BRWD1: variants seen among roughly 807,000 people sequenced by gnomAD.
BRWD1 encodes the protein bromodomain and WD repeat-containing protein 1.
BRWD1 carries 82 observed loss-of-function variants against 251.2 expected under a neutral mutation model. The observed-to-expected ratio is 0.33, with a 90% CI of 0.27 to 0.39. The LOEUF is 0.39. BRWD1 is among the 10% of genes least tolerant of loss of function. The pLI, the probability that BRWD1 is intolerant of heterozygous loss-of-function variation, is 1.00. For missense variants in BRWD1, 2,233 were observed against 2,711.6 expected, an observed-to-expected ratio of 0.82 and a Z score of 3.92; for synonymous variants, 918 against 902.8, an observed-to-expected ratio of 1.02 and a Z score of -0.30.
Position 39,188,146 on chromosome 21 carries a change from A to C in BRWD1, c.*8113T>G, listed in dbSNP as rs1248617802. On this transcript the variant is annotated 3_prime_UTR_variant, in exon 41 of 41. Transcript: ENST00000342449. ...TCAAAGCCAAATTTTCAAATTTCAC[A>C]AACAAGTCTAATTAGTACTCTTCTA... 3 of 985,288 alleles carry C rather than the reference A, an allele frequency of 3.0e-6. No homozygotes were observed. The highest frequency in any genetic ancestry group is 2.3e-4 in the East Asian group (2 of 8,826). The allele number at this position is 985,288 out of a possible 1,614,324, so 61.0% of individuals were successfully genotyped here. A position where few individuals can be genotyped will look rare whatever the true frequency, so the allele number is the denominator to read the frequency against.
At chr21:39,290,833 A>C (rs116767261) in intron 8 of BRWD1, among the ~76,000 whole-genome samples, 2,313 of 152,250 alleles carry the variant, frequency 0.015, 55 homozygotes, top group African/African-American at 0.053. Flanking sequence ...TAAACTTCCA[A>C]AATAAAACAC....
At position 39,274,459 on chromosome 21, in the gene BRWD1, T is replaced by C. The variant is rs762631883; in HGVS notation, c.1159A>G (p.Ser387Gly). 1.2e-6 allele frequency: 2 copies of C among 1,613,708 alleles called. No individual in the cohort carries two copies. The highest frequency in any genetic ancestry group is 8.5e-7 in the Non-Finnish European group (1 of 1,179,734). ...CAAATCCGTGCTGTTCCATCTCTGC[T>C]ACCACTTAGGAACCTTAAAACATTC... ...CNNGDRFLSG[S>G]RDGTARIWRF... The change falls in exon 13 of 41, where the codon AGC becomes GGC. Residue 387 changes from serine to glycine, a missense_variant. Ser to Gly is a moderately conservative substitution (Grantham distance 56). This residue lies in a region of BRWD1 where 315 missense variants were observed against 421.8 expected (regional missense o/e 0.75). Transcript: ENST00000342449.
chr21:39,285,425 C>T (rs531133073), intron 8 of BRWD1, among the ~76,000 whole-genome samples: 5 of 152,182 alleles, frequency 3.3e-5, no homozygotes, highest in Admixed American at 3.3e-4. Context: ...AAGGTGAGTA[C>T]AGCAAATAAC....
chr21:39,269,014 A>C (rs993619249), intron 15 of BRWD1, among the ~76,000 whole-genome samples: 1 of 151,998 alleles, frequency 6.6e-6, no homozygotes, highest in Non-Finnish European at 1.5e-5. Context: ...GAAAAGAAAA[A>C]AAAGAAACCT....
intron 4 of BRWD1, among the ~76,000 whole-genome samples, chr21:39,311,243 A>G (rs1279621492): frequency 6.6e-6 from 1 of 152,044 alleles, no homozygotes; most frequent in Non-Finnish European, 1.5e-5. Context: ...GGATAGTTCA[A>G]TGCAGCCTCA....
chr21:39,288,236 A>G (rs1366033692), intron 8 of BRWD1, among the ~76,000 whole-genome samples: 1 of 152,334 alleles, frequency 6.6e-6, no homozygotes, highest in South Asian at 2.1e-4. Flanking sequence ...ATTAAAGAGA[A>G]TAAGACAAAA....
chr21:39,243,014 C>A (rs970745338), intron 21 of BRWD1, among the ~76,000 whole-genome samples: 8 of 152,180 alleles, frequency 5.3e-5, no homozygotes, highest in African/African-American at 1.9e-4. Flanking sequence ...CCTGCTAACA[C>A]CACATCCATT....
Position 39,194,849 on chromosome 21 carries a change from G to A in BRWD1, c.*1410C>T, listed in dbSNP as rs1251192880. 2.0e-6 allele frequency: 3 copies of A among 1,533,358 alleles called. No homozygotes were observed. The African/African-American group carries it at 4.1e-5, about 21-fold the overall frequency. The allele number at this position is 1,533,358 out of a possible 1,614,324, so 95.0% of individuals were successfully genotyped here. On this transcript the variant is annotated 3_prime_UTR_variant, in exon 41 of 41. Transcript: ENST00000342449. Reference sequence around the variant, plus strand: ...TCTGCCACTTCAAAGATACACAGGAGAAAAGGGTTAATTTTGTCTGAAATC... The same window carrying A: ...TCTGCCACTTCAAAGATACACAGGAAAAAAGGGTTAATTTTGTCTGAAATC...
intron 15 of BRWD1, among the ~76,000 whole-genome samples, chr21:39,268,600 A>G (rs1440261227): frequency 1.3e-5 from 2 of 152,188 alleles, no homozygotes; most frequent in African/African-American, 4.8e-5. Flanking sequence ...AAAACTGAGG[A>G]CACTCTGTAA....
chr21:39,241,945 A>AC (rs1171338814), intron 21 of BRWD1, among the ~76,000 whole-genome samples: 6 of 152,236 alleles, frequency 3.9e-5, no homozygotes, highest in African/African-American at 1.4e-4. Flanking sequence ...CTCATATAAG[A>AC]TAGCACACTT....
At chr21:39,213,244 A>T (rs1036223014) in intron 33 of BRWD1, among the ~76,000 whole-genome samples, 1 of 152,210 alleles carries the variant, frequency 6.6e-6, no homozygotes, top group African/African-American at 2.4e-5. Context: ...ACTAGCTAAA[A>T]TATAGAAAGA....
At chr21:39,310,795 A>C (rs1192026015) in intron 4 of BRWD1, among the ~76,000 whole-genome samples, 1 of 151,990 alleles carries the variant, frequency 6.6e-6, no homozygotes, top group Non-Finnish European at 1.5e-5. Flanking sequence ...CAGGTCTAGA[A>C]CTCCTGGCCT....
intron 10 of BRWD1, 191 bp downstream of exon 10, chr21:39,278,552 A>C: frequency 1.9e-6 from 1 of 526,058 alleles, no homozygotes; most frequent in South Asian, 3.2e-5. Context: ...TTACTACCAG[A>C]AATCAGAGAA....
In BRWD1 at chr21:39,247,787, T is replaced by C. The variant is rs1159275353; in HGVS notation, c.2395A>G (p.Arg799Gly). ...CTACCATAATTTGGATATTTACGCC[T>C]ACATGTCCTTTGTCTAGACTGTGAT... ...LVSQSRQRTCRRKYPNYGRRN... is the reference protein window; with the variant it reads ...LVSQSRQRTCGRKYPNYGRRN... Residue 799 changes from arginine to glycine, a missense_variant, in exon 21 of 41, where the codon AGG (arginine) becomes GGG (glycine). By Grantham distance (125) the Arg-to-Gly change is moderately radical. Transcript: ENST00000342449. 4.3e-6 allele frequency: 7 copies of C among 1,613,282 alleles called. No homozygotes were observed. The highest frequency in any genetic ancestry group is 5.9e-6 in the Non-Finnish European group (7 of 1,179,724).
chr21:39,213,403 CAAAG>C, intron 33 of BRWD1, 74 bp downstream of exon 33: 1 of 1,036,432 alleles, frequency 9.6e-7, no homozygotes, highest in Non-Finnish European at 1.4e-6. Flanking sequence ...GTTGGTACTA[CAAAG>C]CCAACATTTT....
chr21:39,287,696 T>C (rs868652920), intron 8 of BRWD1, among the ~76,000 whole-genome samples: 15 of 152,258 alleles, frequency 9.9e-5, no homozygotes, highest in African/African-American at 3.4e-4. Flanking sequence ...AAAGAACTTC[T>C]GGCTTTGTTG....
At chr21:39,244,931 T>TATATATATATATATATATATAG (rs2034130567) in intron 21 of BRWD1, among the ~76,000 whole-genome samples, 1 of 143,008 alleles carries the variant, frequency 7.0e-6, no homozygotes, top group Admixed American at 7.0e-5. Context: ...AATATATATA[T>TATATATATATATATATATATAG]ATATATATAT....
intron 4 of BRWD1, among the ~76,000 whole-genome samples, chr21:39,309,820 G>A (rs1308282658): frequency 2.0e-4 from 24 of 119,282 alleles, no homozygotes; most frequent in African/African-American, 6.4e-4. Context: ...GCGAGACTCC[G>A]TCTCAAAAAA....
chr21:39,295,718 A>T (rs1251278880), intron 7 of BRWD1, 25 bp downstream of exon 7: 5 of 1,529,710 alleles, frequency 3.3e-6, no homozygotes, highest in African/African-American at 1.4e-5. Context: ...GATGACATCA[A>T]ATCAAGTTTA....
Sources: gnomAD v4.1 joint callset for allele counts (sites outside exome capture counted in the v4.1 genomes callset) on GRCh38, gnomAD v4.1.1 for gene constraint, gnomAD v4.1.1 regional missense constraint, MANE v1.5 for transcripts, NCBI Gene and HGNC (gene_info 2026-07-23, HGNC 2026-07-21) for gene names.